Variants in ADGRA3 observed in about 807,000 individuals in gnomAD.
ADGRA3 encodes G-protein coupled receptor 125.
In ADGRA3, 56 loss-of-function variants were observed where a neutral mutation model predicts 119.8. That is an observed-to-expected ratio of 0.47 (90% CI 0.38 to 0.58). The LOEUF (loss-of-function observed/expected upper bound fraction) is 0.58. ADGRA3 is among the 20% of genes least tolerant of loss of function. The probability of loss-of-function intolerance (pLI) is 0.00; values close to 1 mark genes in which losing one functional copy is unlikely to be tolerated. For synonymous variants in ADGRA3, 607 were observed against 623.8 expected, an observed-to-expected ratio of 0.97 and a Z score of 0.40; for missense variants, 1,516 against 1,649.0, an observed-to-expected ratio of 0.92 and a Z score of 1.40.
intron 1 of ADGRA3, among the ~76,000 whole-genome samples, chr4:22,509,312 C>A (rs374709911): frequency 2.7e-4 from 41 of 151,886 alleles, no homozygotes; most frequent in African/African-American, 9.4e-4. Flanking sequence ...ACCAGCCTAG[C>A]CAACATGGTG....
At chr4:22,414,410 C>A (rs1715348937) in intron 12 of ADGRA3, 2 of 462,778 alleles carry the variant, frequency 4.3e-6, no homozygotes, top group East Asian at 3.4e-5. Context: ...GCTGACTGAT[C>A]ACTGAATTTT....
intron 1 of ADGRA3, among the ~76,000 whole-genome samples, chr4:22,503,630 C>T (rs1719129029): frequency 1.6e-4 from 1 of 6,094 alleles, no homozygotes; most frequent in Admixed American, 3.8e-3. Context: ...ACTATGGATA[C>T]ATGAGGAAAC....
chr4:22,413,108 ACTTC>A, intron 14 of ADGRA3, 70 bp downstream of exon 14: 1 of 1,147,400 alleles, frequency 8.7e-7, no homozygotes, highest in Non-Finnish European at 1.3e-6. Flanking sequence ...ACAAAAAAAC[ACTTC>A]ATTTGAGCTT....
At chr4:22,440,167 C>T (rs1049820698) in intron 7 of ADGRA3, among the ~76,000 whole-genome samples, 1 of 152,138 alleles carries the variant, frequency 6.6e-6, no homozygotes, top group African/African-American at 2.4e-5. Context: ...ATCCCAAACA[C>T]TATAATGGAG....
At chr4:22,441,072 G>C (rs1434537794) in intron 7 of ADGRA3, among the ~76,000 whole-genome samples, 1 of 152,112 alleles carries the variant, frequency 6.6e-6, no homozygotes, top group Non-Finnish European at 1.5e-5. Flanking sequence ...TGAGAAACAA[G>C]GGTTTTTGGC....
At chr4:22,495,347 G>A (rs1037705541) in intron 1 of ADGRA3, among the ~76,000 whole-genome samples, 1 of 152,014 alleles carries the variant, frequency 6.6e-6, no homozygotes, top group Non-Finnish European at 1.5e-5. Context: ...TCGGATCGCA[G>A]GGCCCAGGAG....
At chr4:22,440,404 G>A (rs575313093) in intron 7 of ADGRA3, among the ~76,000 whole-genome samples, 2 of 152,226 alleles carry the variant, frequency 1.3e-5, no homozygotes, top group South Asian at 4.1e-4. Context: ...AAGACATGGG[G>A]AGATCAATGA....
At chr4:22,439,852 C>A (rs1260325371) in intron 7 of ADGRA3, among the ~76,000 whole-genome samples, 1 of 152,084 alleles carries the variant, frequency 6.6e-6, no homozygotes, top group Non-Finnish European at 1.5e-5. Flanking sequence ...TGTCATGGTG[C>A]CCCACCCCAG....
intron 14 of ADGRA3, among the ~76,000 whole-genome samples, 200 bp downstream of exon 14, chr4:22,412,982 C>T (rs1022149091): frequency 6.6e-6 from 1 of 151,268 alleles, no homozygotes; most frequent in African/African-American, 2.4e-5. Flanking sequence ...CAATCCCATA[C>T]ATTTCACTTG....
intron 1 of ADGRA3, among the ~76,000 whole-genome samples, chr4:22,509,484 C>G (rs1230058348): frequency 2.0e-5 from 3 of 148,298 alleles, no homozygotes; most frequent in Non-Finnish European, 4.5e-5. Flanking sequence ...GCCTGGGAAA[C>G]AGGGCGAGAC....
intron 10 of ADGRA3, among the ~76,000 whole-genome samples, chr4:22,424,922 C>T (rs917354890): frequency 2.6e-5 from 4 of 151,884 alleles, no homozygotes; most frequent in African/African-American, 7.3e-5. Context: ...AAATACAAAA[C>T]AAATTAGCTG....
At chr4:22,495,901 T>G (rs777410267) in intron 1 of ADGRA3, among the ~76,000 whole-genome samples, 74 of 149,092 alleles carry the variant, frequency 5.0e-4, no homozygotes, top group Non-Finnish European at 8.9e-4. Context: ...AGAGCAAGAC[T>G]CCGTCTCAAA....
At position 22,479,908 on chromosome 4, in the gene ADGRA3, T is replaced by C. The variant is rs867423341; in HGVS notation, c.258-6065A>G. 2.6e-5 allele frequency among the ~76,000 whole-genome samples: 4 copies of C among 151,894 alleles called. No homozygotes were observed. In the South Asian group the frequency reaches 8.3e-4, roughly 32 times the overall value. On this transcript the variant is annotated intron_variant, in intron 1 of 18. Transcript: ENST00000334304. ...ACTAACACAGGAACAGAAAACCAAA[T>C]ACCTCACGTTCTCACTTATAAGTGG...
In ADGRA3 at chr4:22,425,765, G is replaced by A. The variant is rs143121494; in HGVS notation, c.1444-1413C>T. On this transcript the variant is annotated intron_variant, in intron 10 of 18. Transcript: ENST00000334304. Reference sequence around the variant, plus strand: ...CTTCACACAACGTATAATTATGGGGGCTGAAGAGGGTTTGGAAGAAGTTCA... The same window carrying A: ...CTTCACACAACGTATAATTATGGGGACTGAAGAGGGTTTGGAAGAAGTTCA... Among the ~76,000 whole-genome samples, 534 of 152,318 alleles carry A rather than the reference G, an allele frequency of 3.5e-3. 2 individuals are homozygous for A. Among genetic ancestry groups the A allele is most frequent in the African/African-American group, 0.012 (517 of 41,570 alleles).
intron 14 of ADGRA3, among the ~76,000 whole-genome samples, chr4:22,406,150 C>CT (rs1200693187): frequency 6.6e-6 from 1 of 152,008 alleles, no homozygotes; most frequent in Non-Finnish European, 1.5e-5. Flanking sequence ...AGATTTCATT[C>CT]TTTTTTTATG....
At chr4:22,399,126 T>C (rs1253893886) in intron 16 of ADGRA3, among the ~76,000 whole-genome samples, 2 of 152,192 alleles carry the variant, frequency 1.3e-5, no homozygotes, top group South Asian at 2.1e-4. Flanking sequence ...CTGTTGAACA[T>C]TTCTGCACAC....
At chr4:22,400,723 A>C (rs929476728) in intron 16 of ADGRA3, among the ~76,000 whole-genome samples, 13 of 152,146 alleles carry the variant, frequency 8.5e-5, no homozygotes, top group Non-Finnish European at 1.5e-4. Context: ...AAAGCAAACA[A>C]AAGAAAAAAA....
At chr4:22,396,374 G>C (rs1015317703) in intron 16 of ADGRA3, among the ~76,000 whole-genome samples, 1 of 152,110 alleles carries the variant, frequency 6.6e-6, no homozygotes, top group Non-Finnish European at 1.5e-5. Context: ...AGCTCGCAAA[G>C]GGAATAATAA....
At chr4:22,450,958 A>ATG (rs1717021135) in intron 4 of ADGRA3, among the ~76,000 whole-genome samples, 1 of 146,600 alleles carries the variant, frequency 6.8e-6, no homozygotes, top group Admixed American at 6.8e-5. Flanking sequence ...AAAAATATAT[A>ATG]TATATATATA....
Sources: allele counts gnomAD v4.1 joint callset (sites outside exome capture counted in the v4.1 genomes callset), GRCh38; gene constraint gnomAD v4.1.1; transcripts MANE v1.5; gene names NCBI Gene and HGNC (gene_info 2026-07-23, HGNC 2026-07-21).